RAB3C: variants seen among roughly 807,000 people sequenced by gnomAD.
The protein encoded by RAB3C is ras-related protein Rab-3C.
Under a neutral mutation model 26.4 loss-of-function variants are expected in RAB3C, and 17 were observed. The ratio of observed to expected loss-of-function variants is 0.64; its 90% CI spans 0.44 to 0.97. The LOEUF is 0.97. RAB3C is among the 50% of genes least tolerant of loss of function. RAB3C has a pLI of 0.00. For missense variants in RAB3C, 242 were observed against 281.9 expected (o/e 0.86, Z 1.01); for synonymous variants, 91 against 95.9 (o/e 0.95, Z 0.30).
At chr5:58,794,419 G>A (rs1309076802) in intron 3 of RAB3C, 1 of 151,610 alleles carries the variant, frequency 6.6e-6, no homozygotes, top group African/African-American at 2.4e-5. Context: ...AAGATTGTAT[G>A]AAACAAAAAA....
chr5:58,595,179 A>G (rs1746221066), intron 1 of RAB3C, among the ~76,000 whole-genome samples: 1 of 152,126 alleles, frequency 6.6e-6, no homozygotes, highest in Admixed American at 6.5e-5. Flanking sequence ...GAACATATTT[A>G]CTGTTTCCTA....
chr5:58,616,979 A>T (rs751311152), intron 1 of RAB3C, among the ~76,000 whole-genome samples: 27 of 152,142 alleles, frequency 1.8e-4, no homozygotes, highest in Non-Finnish European at 2.2e-4. Context: ...TTACTTAATA[A>T]TATCTCTGGG....
intron 3 of RAB3C, among the ~76,000 whole-genome samples, chr5:58,819,677 C>T (rs1054738224): frequency 6.6e-6 from 1 of 151,928 alleles, no homozygotes; most frequent in African/African-American, 2.4e-5. Flanking sequence ...GAGTTCAAGA[C>T]CAGCCTAGCC....
rs896574802 is a variant in RAB3C at position 58,853,757 on chromosome 5, G to C, written c.*2406G>C. On this transcript the variant is annotated 3_prime_UTR_variant, in exon 5 of 5. Coordinates refer to ENST00000282878, the MANE Select transcript of RAB3C (RefSeq NM_138453.4). ...ATTTCTAAACCCCAATGGAAGTGAG[G>C]CCTTTTTCATTGATTCTCAGTTCTG... 1 of 152,090 alleles carries C rather than the reference G, an allele frequency of 6.6e-6. No homozygotes were observed. The highest frequency in any genetic ancestry group is 2.4e-5 in the African/African-American group (1 of 41,406). 9.4% of individuals were successfully genotyped at this position (152,090 alleles called of 1,614,324 possible).
intron 4 of RAB3C, among the ~76,000 whole-genome samples, chr5:58,844,106 G>T (rs1376429195): frequency 1.3e-5 from 2 of 152,228 alleles, no homozygotes; most frequent in Non-Finnish European, 2.9e-5. Context: ...AACACACGTA[G>T]TATGGAGGTG....
intron 2 of RAB3C, among the ~76,000 whole-genome samples, chr5:58,627,865 C>T (rs1222165548): frequency 6.6e-6 from 1 of 152,110 alleles, no homozygotes. Flanking sequence ...AAAATGTTTA[C>T]AAAGCATCGG....
intron 4 of RAB3C, among the ~76,000 whole-genome samples, chr5:58,829,369 G>C: frequency 6.6e-6 from 1 of 150,832 alleles, no homozygotes; most frequent in East Asian, 1.9e-4. Flanking sequence ...AAAATTTGGA[G>C]ATACAATTAA....
chr5:58,754,569 A>C (rs936431536), intron 3 of RAB3C, among the ~76,000 whole-genome samples: 1 of 152,170 alleles, frequency 6.6e-6, no homozygotes, highest in Non-Finnish European at 1.5e-5. Context: ...CCACTCCCCA[A>C]CACACTGAAA....
chr5:58,596,862 A>AATTTATAATATATAATACATAATATATAC (rs1746287273), intron 1 of RAB3C, among the ~76,000 whole-genome samples: 1 of 56,360 alleles, frequency 1.8e-5, no homozygotes. Context: ...ATAATATATA[A>AATTTATAATATATAATACATAATATATAC]TATTATATTT....
chr5:58,850,132 C>G (rs1171038201), intron 4 of RAB3C, among the ~76,000 whole-genome samples: 1 of 152,206 alleles, frequency 6.6e-6, no homozygotes, highest in Non-Finnish European at 1.5e-5. Flanking sequence ...GACTGGCAAG[C>G]TCAGCCAGTG....
chr5:58,795,276 A>C (rs574559565), intron 3 of RAB3C, among the ~76,000 whole-genome samples: 1 of 152,298 alleles, frequency 6.6e-6, no homozygotes, highest in East Asian at 1.9e-4. Context: ...TCCTTTATAA[A>C]TTACCCAGTT....
intron 3 of RAB3C, among the ~76,000 whole-genome samples, chr5:58,748,587 C>T (rs1741450313): frequency 6.6e-6 from 1 of 152,000 alleles, no homozygotes; most frequent in Non-Finnish European, 1.5e-5. Flanking sequence ...TTCTTGAAGT[C>T]CCATGGGTGT....
chr5:58,713,280 A>G (rs1297967432), intron 2 of RAB3C, among the ~76,000 whole-genome samples: 1 of 152,222 alleles, frequency 6.6e-6, no homozygotes, highest in African/African-American at 2.4e-5. Context: ...CCATGGCCAC[A>G]CAGCAATGCA....
chr5:58,616,104 T>C (rs1421751841), intron 1 of RAB3C, among the ~76,000 whole-genome samples: 1 of 152,018 alleles, frequency 6.6e-6, no homozygotes, highest in Non-Finnish European at 1.5e-5. Context: ...CTCTCCCTTT[T>C]CCTCCCCCTA....
In RAB3C at chr5:58,585,380, G is replaced by A. The variant is rs111245785; in HGVS notation, c.24+2148G>A. Among the ~76,000 whole-genome samples the A allele has an allele frequency of 3.7e-3, 560 of 151,996 alleles. 4 individuals carry two copies. Among genetic ancestry groups the A allele is most frequent in the African/African-American group, 0.013 (526 of 41,528 alleles). On this transcript the variant is annotated intron_variant, in intron 1 of 4. Transcript: ENST00000282878. ...ACTTTGATATATGACAATGCAACAA[G>A]ATAAATAATTGACTTTTTTTTTCAT...
intron 2 of RAB3C, among the ~76,000 whole-genome samples, chr5:58,677,125 C>G (rs551348899): frequency 4.6e-5 from 7 of 152,170 alleles, no homozygotes; most frequent in African/African-American, 1.7e-4. Context: ...CCAGTCTTCA[C>G]GTGGTGTTCT....
At chr5:58,648,855 G>A (rs968337337) in intron 2 of RAB3C, among the ~76,000 whole-genome samples, 2 of 152,044 alleles carry the variant, frequency 1.3e-5, no homozygotes, top group Admixed American at 1.3e-4. Flanking sequence ...TTCTCCTGGG[G>A]GACAGTTCTC....
intron 3 of RAB3C, among the ~76,000 whole-genome samples, chr5:58,760,989 A>T: frequency 6.6e-6 from 1 of 151,468 alleles, no homozygotes. Flanking sequence ...GTGCATTTTA[A>T]ATGCAGTTTA....
chr5:58,821,438 T>A (rs947605230), intron 3 of RAB3C, among the ~76,000 whole-genome samples: 2 of 152,260 alleles, frequency 1.3e-5, no homozygotes, highest in Non-Finnish European at 2.9e-5. Context: ...TTAGCATTTG[T>A]TACTTAAAGT....
Sources: allele counts gnomAD v4.1 joint callset (sites outside exome capture counted in the v4.1 genomes callset), GRCh38; gene constraint gnomAD v4.1.1; transcripts MANE v1.5; gene names NCBI Gene and HGNC (gene_info 2026-07-23, HGNC 2026-07-21).